Variants in LARS1 observed in about 807,000 individuals in gnomAD.
LARS1 encodes leucyl-tRNA synthetase 1, also known as leucine--tRNA ligase, cytoplasmic.
LARS1 carries 100 observed loss-of-function variants against 162.8 expected under a neutral mutation model. The ratio of observed to expected loss-of-function variants is 0.61; its 90% confidence interval spans 0.52 to 0.73. LARS1 has a LOEUF of 0.73. LARS1 is among the 30% of genes least tolerant of loss of function. The probability of loss-of-function intolerance (pLI) is 0.00; values close to 1 mark genes in which losing one functional copy is unlikely to be tolerated. For missense variants in LARS1, 1,258 were observed against 1,408.9 expected, an observed-to-expected ratio of 0.89 and a Z score of 1.71; for synonymous variants, 457 against 462.8, an observed-to-expected ratio of 0.99 and a Z score of 0.16.
At chr5:146,125,609 T>C (rs975972840) in intron 28 of LARS1, among the ~76,000 whole-genome samples, 5 of 152,020 alleles carry the variant, frequency 3.3e-5, no homozygotes, top group Non-Finnish European at 5.9e-5. Context: ...CCTCATTTTA[T>C]GGATGAAAAA....
intron 27 of LARS1, among the ~76,000 whole-genome samples, chr5:146,128,459 T>C (rs1752132460): frequency 6.6e-6 from 1 of 152,102 alleles, no homozygotes. Flanking sequence ...TATTTTTGTA[T>C]AAATTTTTCA....
chr5:146,119,318 G>A (rs1343065517), intron 31 of LARS1, among the ~76,000 whole-genome samples: 2 of 152,078 alleles, frequency 1.3e-5, no homozygotes, highest in African/African-American at 4.8e-5. Context: ...GTCTCAATAA[G>A]TATCCACAGA....
rs111468128 is a variant in LARS1 at position 146,131,657 on chromosome 5, A to AT, written c.2397-549dup. On this transcript the variant is annotated intron_variant, in intron 23 of 31. Transcript: ENST00000394434. Reference sequence around the variant, plus strand: ...AGGCGCAAGCCACCACACCCAGCTAATTTTTTTTTTTTTTGTAGAGACAGG... The same window carrying AT: ...AGGCGCAAGCCACCACACCCAGCTAATTTTTTTTTTTTTTTGTAGAGACAGG... 9.7e-3 allele frequency: 1,398 copies of AT among 143,838 alleles called. 14 individuals are homozygous for AT. Among genetic ancestry groups the AT allele is most frequent in the African/African-American group, 0.029 (1,143 of 39,418 alleles). 8.9% of individuals were successfully genotyped at this position (143,838 alleles called of 1,614,324 possible).
At chr5:146,181,186 T>G (rs1439463574) in intron 1 of LARS1, 1 of 151,978 alleles carries the variant, frequency 6.6e-6, no homozygotes, top group Non-Finnish European at 1.5e-5. Context: ...ACCCTGTCTC[T>G]ACTAAAATAC....
intron 1 of LARS1, among the ~76,000 whole-genome samples, chr5:146,181,843 T>TTTTTC (rs1194860398): frequency 8.6e-6 from 1 of 116,512 alleles, no homozygotes; most frequent in Non-Finnish European, 1.8e-5. Context: ...GGCGCTCAAT[T>TTTTTC]TTTTCTTTTT....
At chr5:146,150,372 T>G (rs766237903) in intron 14 of LARS1, among the ~76,000 whole-genome samples, 1 of 152,320 alleles carries the variant, frequency 6.6e-6, no homozygotes, top group South Asian at 2.1e-4. Flanking sequence ...TGCATTCTCT[T>G]TTGACATTCT....
intron 15 of LARS1, 36 bp from the exon 16 acceptor site, chr5:146,144,745 T>A: frequency 6.5e-7 from 1 of 1,535,870 alleles, no homozygotes; most frequent in African/African-American, 1.4e-5. Flanking sequence ...TTAGATACTA[T>A]GTCAAATCAA....
chr5:146,163,939 A>T (rs1438592455), intron 6 of LARS1, among the ~76,000 whole-genome samples: 1 of 152,200 alleles, frequency 6.6e-6, no homozygotes, highest in Admixed American at 6.5e-5. Flanking sequence ...AAAACCAAGG[A>T]GAGAAAGAGG....
At chr5:146,176,922 T>C (rs1754605120) in intron 2 of LARS1, among the ~76,000 whole-genome samples, 1 of 152,138 alleles carries the variant, frequency 6.6e-6, no homozygotes, top group Admixed American at 6.6e-5. Flanking sequence ...GTTTTATCAG[T>C]CAGCAAAGAA....
Position 146,160,394 on chromosome 5 carries a change from GTTTC to G in LARS1, c.683_686del (p.Arg228ThrfsTer41). 6.4e-7 allele frequency: 1 copy of G among 1,559,232 alleles called. No individual in the cohort carries two copies. Among genetic ancestry groups the G allele is most frequent in the Non-Finnish European group, 8.7e-7 (1 of 1,148,820 alleles). ...CTTACCGCTTCCCAAATTTAATTTTGTTTCTTTCTCTTAATGTTAAAAATTGCCA... is the reference window on the plus strand; with the variant it reads ...CTTACCGCTTCCCAAATTTAATTTTGTTTCTCTTAATGTTAAAAATTGCCA... On this transcript the variant is annotated frameshift_variant, in exon 7 of 32. Coordinates refer to ENST00000394434, the MANE Select transcript of LARS1 (RefSeq NM_020117.11). LOFTEE classifies it high-confidence loss of function.
chr5:146,149,891 C>T (rs987337107), intron 14 of LARS1, among the ~76,000 whole-genome samples, 192 bp from the exon 15 acceptor site: 1 of 152,136 alleles, frequency 6.6e-6, no homozygotes, highest in African/African-American at 2.4e-5. Context: ...ACACACTTAT[C>T]GTTCTGTCAG....
chr5:146,165,691 C>T (rs1753975307), intron 5 of LARS1, among the ~76,000 whole-genome samples: 1 of 152,104 alleles, frequency 6.6e-6, no homozygotes, highest in African/African-American at 2.4e-5. Context: ...AAGAAAGGAG[C>T]TGATCTAGGC....
At chr5:146,171,763 T>G (rs1754291371) in intron 4 of LARS1, 147 bp downstream of exon 4, 5 of 572,064 alleles carry the variant, frequency 8.7e-6, no homozygotes, top group Non-Finnish European at 1.5e-5. Flanking sequence ...ATGTTGTTTA[T>G]TTTTAAATTA....
rs983615948 is a variant in LARS1 at position 146,113,860 on chromosome 5, T to G, written c.*246A>C. The G allele has an allele frequency of 4.3e-6, 2 of 466,520 alleles. No individual in the cohort carries two copies. Among genetic ancestry groups the G allele is most frequent in the African/African-American group, 3.9e-5 (2 of 51,646 alleles). 28.9% of individuals were successfully genotyped at this position (466,520 alleles called of 1,614,324 possible). A position where few individuals can be genotyped will look rare whatever the true frequency, so the allele number is the denominator to read the frequency against. On this transcript the variant is annotated 3_prime_UTR_variant, in exon 32 of 32. Coordinates refer to ENST00000394434, the MANE Select transcript of LARS1 (RefSeq NM_020117.11). ...AGAAACTTCTAGGAAATAGCAACAA[T>G]TTGTTTTTTAAAAAGAGTTTGGCAA...
intron 6 of LARS1, 137 bp downstream of exon 6, chr5:146,164,173 T>C: frequency 2.6e-6 from 2 of 782,504 alleles, no homozygotes; most frequent in Non-Finnish European, 4.2e-6. Flanking sequence ...ATGGTGCCAC[T>C]AGACTTGCTC....
chr5:146,157,826 G>T, intron 8 of LARS1, 31 bp from the exon 9 acceptor site: 2 of 1,600,544 alleles, frequency 1.2e-6, no homozygotes, highest in Non-Finnish European at 1.7e-6. Context: ...AAAATTTGAA[G>T]GAAAAAAAAG....
At chr5:146,120,565 T>G in intron 30 of LARS1, 62 bp from the exon 31 acceptor site, 12 of 1,514,402 alleles carry the variant, frequency 7.9e-6, no homozygotes, top group Non-Finnish European at 1.1e-5. Flanking sequence ...GAGGAATCTC[T>G]GCTACGTTTT....
chr5:146,179,722 C>T (rs1239370138), intron 1 of LARS1: 4 of 426,248 alleles, frequency 9.4e-6, no homozygotes, highest in South Asian at 6.7e-5. Flanking sequence ...ATCTCAGCCT[C>T]CTGAATAGCT....
chr5:146,179,415 G>A (rs973101718), intron 1 of LARS1, among the ~76,000 whole-genome samples: 2 of 152,056 alleles, frequency 1.3e-5, no homozygotes, highest in African/African-American at 4.8e-5. Context: ...ACCCGTCTCA[G>A]CCTCCCAAAG....
Sources: allele counts gnomAD v4.1 joint callset (sites outside exome capture counted in the v4.1 genomes callset), GRCh38; gene constraint gnomAD v4.1.1; transcripts MANE v1.5; gene names NCBI Gene and HGNC (gene_info 2026-07-23, HGNC 2026-07-21).